The following CADPS variants were observed in gnomAD, a reference collection of about 807,000 sequenced individuals.
CADPS encodes calcium-dependent secretion activator 1.
In CADPS, 57 loss-of-function variants were observed where a neutral mutation model predicts 167.3. That is an observed-to-expected ratio of 0.34 (90% CI 0.28 to 0.42). The LOEUF (loss-of-function observed/expected upper bound fraction) is 0.42, where lower values mean the gene tolerates loss of function less well. Ranked by LOEUF, CADPS falls within the 20% of genes least tolerant of loss-of-function variation. The probability of loss-of-function intolerance (pLI) is 1.00; values close to 1 mark genes in which losing one functional copy is unlikely to be tolerated. For synonymous variants in CADPS, 676 were observed against 635.3 expected (o/e 1.06, Z -0.96); for missense variants, 1,414 against 1,738.1 (o/e 0.81, Z 3.32).
At chr3:62,528,359 T>C (rs1435316514) in intron 13 of CADPS, among the ~76,000 whole-genome samples, 2 of 152,206 alleles carry the variant, frequency 1.3e-5, no homozygotes, top group African/African-American at 4.8e-5. Context: ...ACGATATTTA[T>C]CTCACATGAA....
At chr3:62,550,218 G>C in intron 10 of CADPS, 103 bp from the exon 11 acceptor site, 1 of 816,536 alleles carries the variant, frequency 1.2e-6, no homozygotes. Flanking sequence ...CCTTGGGACA[G>C]AAGAGGGGGG....
intron 3 of CADPS, among the ~76,000 whole-genome samples, chr3:62,711,986 C>A (rs1407330799): frequency 1.3e-5 from 2 of 152,088 alleles, no homozygotes; most frequent in African/African-American, 4.8e-5. Flanking sequence ...CAATTTTCTG[C>A]AACTTAGTAT....
intron 12 of CADPS, among the ~76,000 whole-genome samples, chr3:62,534,405 A>G (rs1481013515): frequency 6.6e-6 from 1 of 152,192 alleles, no homozygotes; most frequent in Non-Finnish European, 1.5e-5. Context: ...TCAGTGATGC[A>G]TCCAACGAAA....
chr3:62,659,349 A>G (rs1286510107), intron 4 of CADPS, among the ~76,000 whole-genome samples: 1 of 152,142 alleles, frequency 6.6e-6, no homozygotes, highest in Non-Finnish European at 1.5e-5. Context: ...TATTTAGTGG[A>G]GGAGATATTT....
intron 3 of CADPS, among the ~76,000 whole-genome samples, chr3:62,733,950 A>G (rs2078461731): frequency 6.6e-6 from 1 of 152,206 alleles, no homozygotes; most frequent in African/African-American, 2.4e-5. Flanking sequence ...ATAGTTTTCC[A>G]TTCCTGAGTT....
intron 3 of CADPS, among the ~76,000 whole-genome samples, chr3:62,685,417 A>G (rs2077824504): frequency 1.3e-5 from 2 of 151,992 alleles, no homozygotes; most frequent in Admixed American, 1.3e-4. Flanking sequence ...CATATAAATA[A>G]AAAAACTGGT....
chr3:62,804,760 A>T (rs1266458408), intron 1 of CADPS, among the ~76,000 whole-genome samples: 1 of 152,068 alleles, frequency 6.6e-6, no homozygotes, highest in Non-Finnish European at 1.5e-5. Context: ...TATCACAGTG[A>T]TTTATATTTT....
rs1443721454 is a variant in CADPS, at chr3:62,491,491, TAAGCA to T, written c.2885-16_2885-12del. 1 of 1,612,364 alleles carries T rather than the reference TAAGCA, an allele frequency of 6.2e-7. No individual in the cohort carries two copies. The highest frequency in any genetic ancestry group is 8.5e-7 in the Non-Finnish European group (1 of 1,179,520). ...CATTGCACAAATTATCTAGAACAGA[TAAGCA>T]AAAGCTTGTTAAGAACCCACAGCTA... is the stretch of plus-strand genomic sequence containing the variant. On this transcript the variant is annotated splice_polypyrimidine_tract_variant and intron_variant, in intron 20 of 29. Transcript: ENST00000383710.
chr3:62,822,340 C>A (rs1362131533), intron 1 of CADPS, among the ~76,000 whole-genome samples: 1 of 152,156 alleles, frequency 6.6e-6, no homozygotes, highest in Non-Finnish European at 1.5e-5. Context: ...TAAACATTTT[C>A]TTTCCATGTT....
At chr3:62,857,996 C>G (rs776142078) in intron 1 of CADPS, among the ~76,000 whole-genome samples, 1 of 152,080 alleles carries the variant, frequency 6.6e-6, no homozygotes, top group African/African-American at 2.4e-5. Context: ...ATGATTTCCA[C>G]TTTTGTCTAA....
At chr3:62,794,669 T>C (rs532331596) in intron 1 of CADPS, among the ~76,000 whole-genome samples, 4 of 151,976 alleles carry the variant, frequency 2.6e-5, no homozygotes, top group Non-Finnish European at 4.4e-5. Flanking sequence ...CTATTGCTAA[T>C]GTCCCTCATT....
At chr3:62,472,628 T>G (rs933209386) in intron 24 of CADPS, among the ~76,000 whole-genome samples, 1 of 152,220 alleles carries the variant, frequency 6.6e-6, no homozygotes, top group African/African-American at 2.4e-5. Context: ...AGCTGTACTT[T>G]TATTTGTGTC....
At chr3:62,708,252 A>G (rs2082693077) in intron 3 of CADPS, among the ~76,000 whole-genome samples, 2 of 14,882 alleles carry the variant, frequency 1.3e-4, no homozygotes, top group African/African-American at 2.9e-4. Context: ...AAGTGGAGAG[A>G]AAAAAAAGCC....
At chr3:62,599,544 A>G (rs2059402069) in intron 6 of CADPS, among the ~76,000 whole-genome samples, 1 of 96,866 alleles carries the variant, frequency 1.0e-5, no homozygotes, top group Non-Finnish European at 1.9e-5. Flanking sequence ...TATATATTAT[A>G]TATAATATAA....
At chr3:62,796,482 A>G (rs2093413651) in intron 1 of CADPS, 1 of 152,162 alleles carries the variant, frequency 6.6e-6, no homozygotes, top group Non-Finnish European at 1.5e-5. Context: ...AATGGCAGCA[A>G]TTTGCACCTG....
intron 8 of CADPS, among the ~76,000 whole-genome samples, chr3:62,579,593 G>A (rs2082987486): frequency 6.6e-6 from 1 of 152,100 alleles, no homozygotes; most frequent in Non-Finnish European, 1.5e-5. Flanking sequence ...TGGAGATCTG[G>A]GTGAAAGGGA....
chr3:62,829,912 C>T (rs1203918494), intron 1 of CADPS, among the ~76,000 whole-genome samples: 2 of 152,170 alleles, frequency 1.3e-5, no homozygotes, highest in Non-Finnish European at 2.9e-5. Context: ...CATTCAGGAC[C>T]TATCCCTGAC....
At chr3:62,763,067 G>T (rs1316892089) in intron 2 of CADPS, among the ~76,000 whole-genome samples, 2 of 152,130 alleles carry the variant, frequency 1.3e-5, no homozygotes, top group African/African-American at 4.8e-5. Context: ...GGTTTATTAA[G>T]AAACCATTAC....
chr3:62,738,726 C>A (rs2152274410), intron 3 of CADPS, among the ~76,000 whole-genome samples: 1 of 151,944 alleles, frequency 6.6e-6, no homozygotes, highest in South Asian at 2.1e-4. Context: ...AACTCCGTCT[C>A]AAAAAATAAA....
Sources: allele counts gnomAD v4.1 joint callset (sites outside exome capture counted in the v4.1 genomes callset), GRCh38; gene constraint gnomAD v4.1.1; transcripts MANE v1.5; gene names NCBI Gene and HGNC (gene_info 2026-07-23, HGNC 2026-07-21).